The following RBFOX2 variants were observed in gnomAD, a reference collection of about 807,000 sequenced individuals.
RBFOX2 encodes the protein RNA binding protein fox-1 homolog 2.
Under a neutral mutation model 49.1 loss-of-function variants are expected in RBFOX2, and 10 were observed. That is an observed-to-expected ratio of 0.20 (90% CI 0.13 to 0.35). RBFOX2 has a LOEUF of 0.35. RBFOX2 is among the 10% of genes least tolerant of loss of function. RBFOX2 has a pLI of 1.00. For missense variants in RBFOX2, 323 were observed against 486.9 expected (o/e 0.66, Z 3.17); for synonymous variants, 183 against 187.4 (o/e 0.98, Z 0.19).
intron 1 of RBFOX2, among the ~76,000 whole-genome samples, chr22:35,944,604 A>T (rs2054065868): frequency 6.6e-6 from 1 of 152,204 alleles, no homozygotes; most frequent in African/African-American, 2.4e-5. Flanking sequence ...TACTAGCCAT[A>T]AATCCTAAGC....
chr22:35,789,147 G>C (rs1010272650), intron 2 of RBFOX2, among the ~76,000 whole-genome samples: 3 of 152,116 alleles, frequency 2.0e-5, no homozygotes, highest in African/African-American at 4.8e-5. Flanking sequence ...ATCTGAGACA[G>C]TGATATTTCT....
At chr22:35,833,611 C>A (rs1420272659) in intron 1 of RBFOX2, among the ~76,000 whole-genome samples, 1 of 152,062 alleles carries the variant, frequency 6.6e-6, no homozygotes, top group East Asian at 1.9e-4. Flanking sequence ...ACAAGTGATA[C>A]ATAATATGAA....
intron 1 of RBFOX2, among the ~76,000 whole-genome samples, chr22:35,944,339 G>A (rs1009239064): frequency 3.3e-5 from 5 of 152,044 alleles, no homozygotes; most frequent in Non-Finnish European, 7.4e-5. Context: ...TTTTAAAGCC[G>A]TTTTTCTAAA....
intron 5 of RBFOX2, 67 bp from the exon 7 acceptor site, chr22:35,765,550 C>G (rs942405270): frequency 1.2e-6 from 1 of 868,940 alleles, no homozygotes; most frequent in Admixed American, 2.6e-5. Context: ...TAAAGTTGCA[C>G]ATCCAATAAC....
At chr22:35,866,811 C>T (rs760469623) in intron 1 of RBFOX2, among the ~76,000 whole-genome samples, 42 of 152,268 alleles carry the variant, frequency 2.8e-4, no homozygotes, top group Non-Finnish European at 5.1e-4. Context: ...AGCCAAATAC[C>T]ACTTCACTCC....
rs544729627 is a variant in RBFOX2, at chr22:35,916,255, C to T, written c.-34+22592G>A. On this transcript the variant is annotated intron_variant, in intron 1 of 13. Transcript: ENST00000359369. Reference sequence around the variant, plus strand: ...TTGGTAAAATATGGCTTCTACTGTCCACCTTATAGAGAGAATGGGTGTTTG... The same window carrying T: ...TTGGTAAAATATGGCTTCTACTGTCTACCTTATAGAGAGAATGGGTGTTTG... 5.9e-5 allele frequency among the ~76,000 whole-genome samples: 9 copies of T among 152,214 alleles called. No individual in the cohort carries two copies. The South Asian group carries it at 1.7e-3, about 28-fold the overall frequency.
intron 1 of RBFOX2, chr22:35,822,099 C>T: frequency 6.9e-6 from 3 of 434,616 alleles, no homozygotes; most frequent in Admixed American, 5.1e-5. Context: ...AGATGGTACT[C>T]CCCAATAAAG....
intron 1 of RBFOX2, chr22:35,821,645 A>G: frequency 2.3e-6 from 1 of 435,358 alleles, no homozygotes; most frequent in Non-Finnish European, 4.4e-6. Context: ...GTAGTATCCT[A>G]TCCTTCACTC....
chr22:35,873,503 C>T (rs1375090878), intron 1 of RBFOX2, among the ~76,000 whole-genome samples: 11 of 152,186 alleles, frequency 7.2e-5, no homozygotes, highest in Non-Finnish European at 2.9e-5. Flanking sequence ...CCACTCATAG[C>T]GTAGTTCCTA....
At chr22:35,821,372 T>G (rs1282541823) in intron 1 of RBFOX2, among the ~76,000 whole-genome samples, 1 of 151,820 alleles carries the variant, frequency 6.6e-6, no homozygotes, top group Non-Finnish European at 1.5e-5. Context: ...GAGGCCAAGG[T>G]GGGCGGATCA....
intron 1 of RBFOX2, among the ~76,000 whole-genome samples, chr22:35,985,130 G>A (rs1216553749): frequency 6.6e-6 from 1 of 152,122 alleles, no homozygotes; most frequent in East Asian, 1.9e-4. Flanking sequence ...ATCAAGAAAG[G>A]AGACTTTATC....
chr22:35,746,499 T>TGCAGCAGCGGTG, exon 10 of RBFOX2: 1 of 1,608,990 alleles, frequency 6.2e-7, no homozygotes, highest in Non-Finnish European at 8.5e-7. Context: ...CTGCAGCGGC[T>TGCAGCAGCGGTG]GCAGCAGCGG....
chr22:35,831,424 C>G (rs191928099), intron 1 of RBFOX2, among the ~76,000 whole-genome samples: 6 of 152,012 alleles, frequency 3.9e-5, no homozygotes, highest in Non-Finnish European at 8.8e-5. Context: ...TAGTGAGAGA[C>G]TCTGTCTCAA....
intron 1 of RBFOX2, among the ~76,000 whole-genome samples, chr22:35,906,985 TA>T (rs2049193920): frequency 6.6e-6 from 1 of 152,184 alleles, no homozygotes; most frequent in African/African-American, 2.4e-5. Flanking sequence ...AATCTTTGCA[TA>T]AAAGTATATA....
At position 35,759,921 on chromosome 22, in the gene RBFOX2, G is replaced by A. The variant is rs1938176557; in HGVS notation, c.854C>T (p.Ala285Val). Residue 285 changes from alanine to valine, a missense_variant, in exon 9 of 12, where the codon GCG becomes GTG. Ala to Val is a moderately conservative substitution (Grantham distance 64, BLOSUM62 0). Coordinates refer to ENST00000405409, the Ensembl canonical transcript of RBFOX2. This position sits in a 1 kb window ranked among gnomAD's most constrained non-coding sequence, Gnocchi z 4.6. ...GGCGGGGATGGCTGTTGGAGGTACCGCTCGGACTGCACCATATACTGTCCG... is the reference window on the plus strand; with the variant it reads ...GGCGGGGATGGCTGTTGGAGGTACCACTCGGACTGCACCATATACTGTCCG... 3.1e-6 allele frequency: 5 copies of A among 1,613,472 alleles called. No homozygotes were observed. Among genetic ancestry groups the A allele is most frequent in the South Asian group, 1.1e-5 (1 of 91,040 alleles).
At chr22:35,804,574 C>A (rs569790890) in intron 2 of RBFOX2, among the ~76,000 whole-genome samples, 31 of 152,224 alleles carry the variant, frequency 2.0e-4, no homozygotes, top group African/African-American at 7.5e-4. Flanking sequence ...AATCAGCTGA[C>A]TCCCATGGGA....
chr22:35,834,527 A>G (rs1957321593), intron 1 of RBFOX2, among the ~76,000 whole-genome samples: 1 of 152,180 alleles, frequency 6.6e-6, no homozygotes, highest in Non-Finnish European at 1.5e-5. Context: ...ATCAGTGACA[A>G]GTGAAGACAA....
At chr22:35,947,395 T>C (rs1216957184) in intron 1 of RBFOX2, among the ~76,000 whole-genome samples, 1 of 151,942 alleles carries the variant, frequency 6.6e-6, no homozygotes, top group Non-Finnish European at 1.5e-5. Flanking sequence ...ATTTTACTGG[T>C]TCATGTATTT....
At chr22:35,796,570 A>G (rs1179673383) in intron 2 of RBFOX2, among the ~76,000 whole-genome samples, 1 of 152,210 alleles carries the variant, frequency 6.6e-6, no homozygotes, top group Non-Finnish European at 1.5e-5. Context: ...AAACTTGACA[A>G]GTGGTACTTT....
Sources: allele counts gnomAD v4.1 joint callset (sites outside exome capture counted in the v4.1 genomes callset), GRCh38; gene constraint gnomAD v4.1.1; non-coding constraint Gnocchi (gnomAD v3.1); transcripts MANE v1.5; gene names NCBI Gene and HGNC (gene_info 2026-07-23, HGNC 2026-07-21).